The following FER1L5 variants were observed in gnomAD, a reference collection of about 807,000 sequenced individuals.
FER1L5 encodes fer-1-like protein 5.
FER1L5 carries 187 observed loss-of-function variants against 279.9 expected under a neutral mutation model. The observed-to-expected ratio is 0.67, with a 90% CI of 0.59 to 0.75. The LOEUF (loss-of-function observed/expected upper bound fraction) is 0.75. Ranked by LOEUF, FER1L5 falls within the 30% of genes least tolerant of loss-of-function variation. The pLI, the probability that FER1L5 is intolerant of heterozygous loss-of-function variation, is 0.00. For missense variants in FER1L5, 2,091 were observed against 2,594.4 expected, an observed-to-expected ratio of 0.81 and a Z score of 4.21; for synonymous variants, 921 against 989.7, an observed-to-expected ratio of 0.93 and a Z score of 1.30.
At position 96,703,528 on chromosome 2, in the gene FER1L5, G is replaced by A; in HGVS notation, c.5697G>A (p.Lys1899=). Residue 1899 remains lysine, a synonymous_variant, in exon 51 of 53, where the codon AAG becomes AAA. Transcript: ENST00000624922. ...LDGGKWRLSG[K]VKMSLEILSE... is the part of the protein sequence containing the mutation. ...CTCACCCATGGTGTTCCTAGGGCAAGGTGAAGATGAGCCTGGAGATTCTGT... is the reference window on the plus strand; with the variant it reads ...CTCACCCATGGTGTTCCTAGGGCAAAGTGAAGATGAGCCTGGAGATTCTGT... The A allele has an allele frequency of 6.2e-7, 1 of 1,614,014 alleles. No homozygotes were observed.
At chr2:96,681,113 AG>A (rs1283171233) in intron 19 of FER1L5, among the ~76,000 whole-genome samples, 1 of 152,224 alleles carries the variant, frequency 6.6e-6, no homozygotes, top group African/African-American at 2.4e-5. Flanking sequence ...TAGCCTGTGT[AG>A]CCTGAAGAGT....
At chr2:96,673,515 T>C (rs2076403046) in intron 19 of FER1L5, among the ~76,000 whole-genome samples, 1 of 152,016 alleles carries the variant, frequency 6.6e-6, no homozygotes, top group Non-Finnish European at 1.5e-5. Flanking sequence ...ACCAACCCCA[T>C]CTTTTCCCCT....
At position 96,699,112 on chromosome 2, in the gene FER1L5, A is replaced by G. The variant is rs1370159760; in HGVS notation, c.4586A>G (p.Asn1529Ser). Residue 1529 changes from asparagine to serine, a missense_variant, in exon 42 of 53, where the codon AAC (asparagine) becomes AGC (serine). Asn to Ser is a conservative substitution (Grantham distance 46). Coordinates refer to ENST00000624922, the MANE Select transcript of FER1L5 (RefSeq NM_001293083.2). ...GGCAACCGGGACATGTACCAGCCCAACACTCTGGATCCCATCTTTGGCATG... is the reference window on the plus strand; with the variant it reads ...GGCAACCGGGACATGTACCAGCCCAGCACTCTGGATCCCATCTTTGGCATG... ...ELGNRDMYQP[N>S]TLDPIFGMMF... 3.7e-6 allele frequency: 6 copies of G among 1,610,666 alleles called. No homozygotes were observed. In the South Asian group the frequency reaches 5.5e-5, roughly 15 times the overall value.
intron 9 of FER1L5, among the ~76,000 whole-genome samples, chr2:96,659,390 T>G (rs372156747): frequency 1.7e-4 from 2 of 11,466 alleles, no homozygotes; most frequent in Admixed American, 1.3e-3. Context: ...TCTTTCTTTC[T>G]TTCTTTCTTT....
At position 96,686,180 on chromosome 2, in the gene FER1L5, C is replaced by T. The variant is rs1335913753; in HGVS notation, c.2074-15C>T. ...AGCCAGCCGCGCAGGGCCTGACATTCTCCCACCTCGGCAGCCCCAGATGGG... is the reference window on the plus strand; with the variant it reads ...AGCCAGCCGCGCAGGGCCTGACATTTTCCCACCTCGGCAGCCCCAGATGGG... On this transcript the variant is annotated splice_polypyrimidine_tract_variant and intron_variant, in intron 22 of 52. Transcript: ENST00000624922. The T allele has an allele frequency of 5.2e-6, 8 of 1,549,164 alleles. No individual in the cohort carries two copies. The highest frequency in any genetic ancestry group is 2.0e-5 in the Admixed American group (1 of 50,874).
intron 50 of FER1L5, 55 bp from the exon 51 acceptor site, chr2:96,703,468 C>G: frequency 6.2e-7 from 1 of 1,610,866 alleles, no homozygotes; most frequent in Non-Finnish European, 8.5e-7. Context: ...GGTCCTAAAA[C>G]TACCCGGCTC....
chr2:96,672,052 T>C (rs940234577), intron 18 of FER1L5, among the ~76,000 whole-genome samples: 4 of 152,090 alleles, frequency 2.6e-5, no homozygotes, highest in East Asian at 1.9e-4. Flanking sequence ...CTGGGTAACA[T>C]AGTGAAACCA....
At chr2:96,684,510 C>T (rs1204672257) in intron 20 of FER1L5, 59 bp downstream of exon 20, 2 of 1,521,822 alleles carry the variant, frequency 1.3e-6, no homozygotes, top group Non-Finnish European at 8.9e-7. Flanking sequence ...GGCTGGGAGA[C>T]TTGGGAAACT....
chr2:96,652,697 T>G (rs1331011914), intron 7 of FER1L5: 1 of 153,484 alleles, frequency 6.5e-6, no homozygotes, highest in Non-Finnish European at 1.4e-5. Context: ...TGGGCTGGGG[T>G]CCCATCCTGG....
chr2:96,646,478 G>A (rs1337758515), intron 2 of FER1L5, 25 bp downstream of exon 2: 2 of 1,551,336 alleles, frequency 1.3e-6, no homozygotes, highest in African/African-American at 2.7e-5. Context: ...AAGCCCAGAA[G>A]AGGAAATAAC....
intron 2 of FER1L5, 23 bp from the exon 3 acceptor site, chr2:96,647,041 T>C: frequency 6.5e-7 from 1 of 1,548,874 alleles, no homozygotes; most frequent in Non-Finnish European, 8.7e-7. Flanking sequence ...GGGAGGATGC[T>C]GACCTCTCTA....
intron 19 of FER1L5, among the ~76,000 whole-genome samples, chr2:96,683,948 A>C (rs1002033633): frequency 3.3e-5 from 5 of 152,002 alleles, no homozygotes; most frequent in African/African-American, 4.8e-5. Flanking sequence ...TCCCACCCAG[A>C]GGCGTGCCCC....
intron 44 of FER1L5, 83 bp downstream of exon 44, chr2:96,700,163 T>C (rs2077538705): frequency 1.3e-6 from 2 of 1,579,794 alleles, no homozygotes; most frequent in Non-Finnish European, 1.7e-6. Context: ...AGCTGCAGAC[T>C]TGGGGGAGAA....
At chr2:96,696,023 A>G (rs1462037052) in intron 36 of FER1L5, 29 bp from the exon 37 acceptor site, 1 of 1,613,510 alleles carries the variant, frequency 6.2e-7, no homozygotes, top group South Asian at 1.1e-5. Flanking sequence ...CCCCATCCTG[A>G]GACTCGTCCC....
rs759355957 is a variant in FER1L5, at chr2:96,689,281, G to A, written c.2430G>A (p.Ser810=). ...QQGLYHCPNF[S]DVMGNKTLPM... ...GGCTGTATCACTGCCCCAACTTCTC[G>A]GATGTCATGGGGAACAAGACCCTCC... The change falls in exon 25 of 53, where the codon TCG becomes TCA. Residue 810 remains serine (S), a synonymous_variant. Transcript: ENST00000624922. The surrounding 1 kb of genome is among the most constrained non-coding windows in gnomAD (Gnocchi z 4.6). 1.4e-5 allele frequency: 22 copies of A among 1,550,136 alleles called. No homozygotes were observed. The African/African-American group carries it at 1.8e-4, about 13-fold the overall frequency.
chr2:96,695,819 C>G lies in FER1L5; in HGVS notation c.3972C>G (p.Thr1324=), dbSNP rs764611583. Reference sequence around the variant, plus strand: ...ACAACTGGGCCTTCGGCCAGCAGACCGTGACGGGCCAGGCCAACATCGACT... The same window carrying G: ...ACAACTGGGCCTTCGGCCAGCAGACGGTGACGGGCCAGGCCAACATCGACT... The part of the protein sequence containing the change: ...VVDNWAFGQQ[T]VTGQANIDFL... Residue 1324 remains threonine (T), a synonymous_variant, in exon 36 of 53, where the codon ACC becomes ACG. Coordinates refer to ENST00000624922, the MANE Select transcript of FER1L5 (RefSeq NM_001293083.2). The G allele has an allele frequency of 6.2e-7, 1 of 1,613,012 alleles. No homozygotes were observed. The highest frequency in any genetic ancestry group is 1.3e-5 in the African/African-American group (1 of 75,032).
chr2:96,701,459 C>T (rs143229660), intron 45 of FER1L5, among the ~76,000 whole-genome samples: 2 of 152,254 alleles, frequency 1.3e-5, no homozygotes, highest in East Asian at 3.9e-4. Context: ...TCCTTTTCTC[C>T]TCCTTCTCAT....
At chr2:96,666,093 C>T (rs1392661876) in intron 14 of FER1L5, among the ~76,000 whole-genome samples, 1 of 151,540 alleles carries the variant, frequency 6.6e-6, no homozygotes, top group African/African-American at 2.4e-5. Flanking sequence ...GTGTGAACCT[C>T]TCTCTGAAGA....
intron 2 of FER1L5, 151 bp from the exon 3 acceptor site, chr2:96,646,913 C>A: frequency 1.2e-6 from 1 of 804,126 alleles, no homozygotes; most frequent in Non-Finnish European, 1.9e-6. Flanking sequence ...AGGTAGCAAA[C>A]GCCATCTCCT....
Sources: gnomAD v4.1 joint callset for allele counts (sites outside exome capture counted in the v4.1 genomes callset) on GRCh38, gnomAD v4.1.1 for gene constraint, Gnocchi (gnomAD v3.1) non-coding constraint, MANE v1.5 for transcripts, NCBI Gene and HGNC (gene_info 2026-07-23, HGNC 2026-07-21) for gene names.